SYT2: variants seen among roughly 807,000 people sequenced by gnomAD.
SYT2 encodes synaptotagmin-2.
SYT2 carries 15 observed loss-of-function variants against 39.9 expected under a neutral mutation model. That is an observed-to-expected ratio of 0.38 (90% CI 0.25 to 0.58). SYT2 has a LOEUF of 0.58. Among genes scored for constraint, SYT2 ranks in the 20% least tolerant of loss-of-function variants. SYT2 has a pLI of 0.70. For missense variants in SYT2, 389 were observed against 530.3 expected, an observed-to-expected ratio of 0.73 and a Z score of 2.62; for synonymous variants, 181 against 204.5, an observed-to-expected ratio of 0.89 and a Z score of 0.98.
intron 1 of SYT2, among the ~76,000 whole-genome samples, chr1:202,660,868 G>A (rs758529667): frequency 3.3e-5 from 5 of 152,104 alleles, no homozygotes; most frequent in Non-Finnish European, 5.9e-5. Context: ...AGATGTGGGC[G>A]CCTATGCTCG....
intron 1 of SYT2, among the ~76,000 whole-genome samples, chr1:202,671,752 G>A (rs1342542277): frequency 6.6e-6 from 1 of 152,172 alleles, no homozygotes; most frequent in Non-Finnish European, 1.5e-5. Context: ...AAACCAGATG[G>A]GCTTCTAAGC....
chr1:202,621,660 C>T (rs1302621785), intron 1 of SYT2, among the ~76,000 whole-genome samples: 2 of 152,194 alleles, frequency 1.3e-5, no homozygotes, highest in African/African-American at 4.8e-5. Flanking sequence ...ACCCAGAAAT[C>T]GCCTGACCTG....
chr1:202,624,857 GGGTGTGT>G (rs1691329005), intron 1 of SYT2, among the ~76,000 whole-genome samples: 4 of 29,684 alleles, frequency 1.3e-4, no homozygotes, highest in Middle Eastern at 0.029. Flanking sequence ...GTGTGTAGTA[GGGTGTGT>G]GGTGTGTGTG....
chr1:202,658,181 G>C (rs574222499), intron 1 of SYT2, among the ~76,000 whole-genome samples: 2 of 152,142 alleles, frequency 1.3e-5, no homozygotes, highest in Non-Finnish European at 1.5e-5. Flanking sequence ...TGAGCTGGGA[G>C]ACTGCAGGTG....
At chr1:202,662,947 C>A (rs575895944) in intron 1 of SYT2, among the ~76,000 whole-genome samples, 2 of 152,314 alleles carry the variant, frequency 1.3e-5, no homozygotes, top group South Asian at 4.1e-4. Context: ...GGGAAATGAG[C>A]TTGTTCTTTC....
rs1056188917 is a variant in SYT2, at chr1:202,632,017, G to A, written c.-17-26228C>T. 4 of 985,170 alleles carry A rather than the reference G, an allele frequency of 4.1e-6. No homozygotes were observed. In the African/African-American group the frequency reaches 5.2e-5, roughly 13 times the overall value. 61.0% of individuals were successfully genotyped at this position (985,170 alleles called of 1,614,324 possible). On this transcript the variant is annotated intron_variant, in intron 1 of 8. Transcript: ENST00000367268. The stretch of plus-strand genomic sequence containing the variant: ...GAGAAGTAGCTGCCAATTATGTGAG[G>A]ACCACAAGAGCTTCCTTTATGACAC...
rs1369965678 is a variant in SYT2 at position 202,644,434 on chromosome 1, TGTCACCCTTGGGC to T, written c.-17-38658_-17-38646del. ...CCTGGGCAGCACTCCTGTGCCTCAG[TGTCACCCTTGGGC>T]CTCACCCTCAACCCCCAACCTCACC... On this transcript the variant is annotated intron_variant, in intron 1 of 8. Coordinates refer to ENST00000367268, the MANE Select transcript of SYT2 (RefSeq NM_177402.5). 3.9e-3 allele frequency among the ~76,000 whole-genome samples: 597 copies of T among 152,160 alleles called. 8 individuals are homozygous for T. Among genetic ancestry groups the T allele is most frequent in the Non-Finnish European group, 2.9e-3 (194 of 67,976 alleles).
intron 1 of SYT2, among the ~76,000 whole-genome samples, chr1:202,662,296 C>T (rs1039560366): frequency 6.6e-6 from 1 of 152,250 alleles, no homozygotes; most frequent in African/African-American, 2.4e-5. Context: ...TCCCCTATCT[C>T]TGCAGCCTCA....
At chr1:202,624,825 G>A (rs1244354069) in intron 1 of SYT2, among the ~76,000 whole-genome samples, 1 of 139,848 alleles carries the variant, frequency 7.2e-6, no homozygotes, top group Non-Finnish European at 1.5e-5. Context: ...TGTGGTGTCT[G>A]GTCTGTAGTA....
At chr1:202,621,286 T>G (rs1262388244) in intron 1 of SYT2, among the ~76,000 whole-genome samples, 1 of 152,034 alleles carries the variant, frequency 6.6e-6, no homozygotes, top group Non-Finnish European at 1.5e-5. Context: ...GGGGGGTTTG[T>G]GTGTTTTTAA....
chr1:202,626,757 C>T (rs1691429342), intron 1 of SYT2, among the ~76,000 whole-genome samples: 1 of 152,084 alleles, frequency 6.6e-6, no homozygotes, highest in African/African-American at 2.4e-5. Context: ...GTGGTGGGGT[C>T]ATGAGAGAAC....
rs16850187 is a variant in SYT2 at position 202,650,204 on chromosome 1, G to A, written c.-17-44415C>T. Among the ~76,000 whole-genome samples, 438 of 152,322 alleles carry A rather than the reference G, an allele frequency of 2.9e-3. 9 individuals carry two copies. In the East Asian group the frequency reaches 0.06, roughly 21 times the overall value. ...CCTGTCTGCGGGTATGTAAACTGCA[G>A]CCTGAGGAACTCTACCTGAGTGAGC... On this transcript the variant is annotated intron_variant, in intron 1 of 8. Transcript: ENST00000367268.
At chr1:202,674,321 C>T (rs749811765) in intron 1 of SYT2, among the ~76,000 whole-genome samples, 9 of 152,070 alleles carry the variant, frequency 5.9e-5, no homozygotes, top group Non-Finnish European at 1.0e-4. Context: ...AGGCTGGTCT[C>T]GAACTCCTGA....
chr1:202,628,949 G>A lies in SYT2; in HGVS notation c.-17-23160C>T, dbSNP rs1189945153. The stretch of plus-strand genomic sequence containing the variant: ...GGCCTCAGCACTCCGTCTGCAAAAT[G>A]GGAATGATAATGGAAGCTGCTGCGC... On this transcript the variant is annotated intron_variant, in intron 1 of 8. Transcript: ENST00000367268. This position sits in a 1 kb window ranked among gnomAD's most constrained non-coding sequence, Gnocchi z 4.2. Among the ~76,000 whole-genome samples the A allele has an allele frequency of 2.0e-5, 3 of 152,196 alleles. No individual in the cohort carries two copies. Among genetic ancestry groups the A allele is most frequent in the Non-Finnish European group, 2.9e-5 (2 of 68,030 alleles).
At chr1:202,681,313 A>G (rs1653519685) in intron 1 of SYT2, among the ~76,000 whole-genome samples, 1 of 152,196 alleles carries the variant, frequency 6.6e-6, no homozygotes, top group African/African-American at 2.4e-5. Context: ...GTTAAAGGGA[A>G]GAGTCCTGGG....
chr1:202,697,637 C>T (rs912135275), intron 1 of SYT2, among the ~76,000 whole-genome samples: 46 of 152,242 alleles, frequency 3.0e-4, no homozygotes, highest in Non-Finnish European at 6.0e-4. Flanking sequence ...TCCCAGGACT[C>T]AGGGTCCCAG....
rs1690198149 is a variant in SYT2 at position 202,593,642 on chromosome 1, G to A, written c.*3115C>T. 1 of 152,074 alleles carries A rather than the reference G, an allele frequency of 6.6e-6. No homozygotes were observed. The highest frequency in any genetic ancestry group is 1.5e-5 in the Non-Finnish European group (1 of 68,058). The allele number at this position is 152,074 out of a possible 1,614,324, so 9.4% of individuals were successfully genotyped here. On this transcript the variant is annotated 3_prime_UTR_variant, in exon 9 of 9. Coordinates refer to ENST00000367268, the MANE Select transcript of SYT2 (RefSeq NM_177402.5). ...GCATTCCTTACCCAGCCTTCCCCAG[G>A]CCTCAGCTTCCACTTCCAAAGCCCA...
In SYT2 at chr1:202,603,088, C is replaced by T; in HGVS notation, c.376G>A (p.Glu126Lys). The change falls in exon 4 of 9, where the codon GAG becomes AAG. Residue 126 changes from glutamate to lysine, a missense_variant. This residue lies in a region of SYT2 where 280 missense variants were observed against 335.6 expected (regional missense o/e 0.83). Transcript: ENST00000367268. The part of the protein sequence containing the change: ...DDDDAETGLT[E>K]GEGEGEEEKE... ...TCCTCCTCCCCTTCACCTTCCCCCTCAGTCAGGCCTGTCTCTGCGTCGTCG... is the reference window on the plus strand; with the variant it reads ...TCCTCCTCCCCTTCACCTTCCCCCTTAGTCAGGCCTGTCTCTGCGTCGTCG... The T allele has an allele frequency of 1.2e-6, 2 of 1,614,150 alleles. No individual in the cohort carries two copies. The highest frequency in any genetic ancestry group is 1.7e-6 in the Non-Finnish European group (2 of 1,180,008).
chr1:202,641,348 C>G (rs1449196785), intron 1 of SYT2, among the ~76,000 whole-genome samples: 12 of 152,200 alleles, frequency 7.9e-5, no homozygotes, highest in Non-Finnish European at 1.2e-4. Context: ...AGACACCAGC[C>G]CAGAACTGCA....
Sources: gnomAD v4.1 joint callset for allele counts (sites outside exome capture counted in the v4.1 genomes callset) on GRCh38, gnomAD v4.1.1 for gene constraint, gnomAD v4.1.1 regional missense constraint, Gnocchi (gnomAD v3.1) non-coding constraint, MANE v1.5 for transcripts, NCBI Gene and HGNC (gene_info 2026-07-23, HGNC 2026-07-21) for gene names.